Variants in DOP1A observed in about 807,000 individuals in gnomAD.
DOP1A encodes DOP1 leucine zipper like protein A, also known as protein DOP1A.
Under a neutral mutation model 267.6 loss-of-function variants are expected in DOP1A, and 90 were observed. That is an observed-to-expected ratio of 0.34 (90% CI 0.28 to 0.40). The LOEUF is 0.40. DOP1A is among the 10% of genes least tolerant of loss of function. The pLI is 1.00. For synonymous variants in DOP1A, 932 were observed against 999.1 expected (o/e 0.93, Z 1.27); for missense variants, 2,437 against 2,900.4 (o/e 0.84, Z 3.67).
downstream of DOP1A, chr6:83,170,512 T>G (rs369681936): frequency 2.9e-5 from 45 of 1,557,128 alleles, no homozygotes; most frequent in Non-Finnish European, 4.0e-5. Context: ...GTTACTCTAT[T>G]ACACTTCCTT....
At chr6:83,122,509 T>A (rs1776527910) in intron 11 of DOP1A, among the ~76,000 whole-genome samples, 1 of 151,924 alleles carries the variant, frequency 6.6e-6, no homozygotes, top group South Asian at 2.1e-4. Flanking sequence ...GAAAATCAAA[T>A]CACTACTCAG....
At chr6:83,071,713 TA>T (rs931203951) in intron 1 of DOP1A, among the ~76,000 whole-genome samples, 87 of 152,236 alleles carry the variant, frequency 5.7e-4, no homozygotes, top group East Asian at 4.0e-3. Flanking sequence ...AAAAATATAG[TA>T]AAAAAAGTTA....
intron 5 of DOP1A, 85 bp from the exon 6 acceptor site, chr6:83,110,040 C>A: frequency 7.2e-7 from 1 of 1,391,170 alleles, no homozygotes; most frequent in Non-Finnish European, 9.7e-7. Flanking sequence ...TGGGTGTTTG[C>A]ATACATTTTT....
intron 4 of DOP1A, among the ~76,000 whole-genome samples, chr6:83,101,990 C>G (rs553896489): frequency 6.6e-6 from 1 of 152,136 alleles, no homozygotes; most frequent in East Asian, 1.9e-4. Context: ...TTCCCATTTT[C>G]TCCTGCCCTT....
Position 83,104,623 on chromosome 6 carries a change from T to G in DOP1A, c.320+3737T>G, listed in dbSNP as rs189578361. 3.4e-3 allele frequency among the ~76,000 whole-genome samples: 516 copies of G among 152,270 alleles called. 1 individual carries two copies. Among genetic ancestry groups the G allele is most frequent in the Admixed American group, 6.3e-3 (97 of 15,296 alleles). ...CTGAAATTTATCTTTGTGGGAAGATTTGTAATTACAGATTAATTTCTTTAG... is the reference window on the plus strand; with the variant it reads ...CTGAAATTTATCTTTGTGGGAAGATGTGTAATTACAGATTAATTTCTTTAG... On this transcript the variant is annotated intron_variant, in intron 4 of 38. Transcript: ENST00000349129.
intron 37 of DOP1A, 140 bp from the exon 38 acceptor site, chr6:83,162,650 G>A: frequency 1.1e-6 from 1 of 872,598 alleles, no homozygotes; most frequent in Non-Finnish European, 1.7e-6. Context: ...TACCCAAAGT[G>A]ACAAGGCTAC....
chr6:83,133,021 TTGAG>T (rs1384733454), intron 18 of DOP1A, among the ~76,000 whole-genome samples: 2 of 152,098 alleles, frequency 1.3e-5, no homozygotes, highest in African/African-American at 4.8e-5. Flanking sequence ...GCTAGTGAGT[TTGAG>T]TGGGTCATAA....
chr6:83,117,377 C>T (rs1346205560), intron 7 of DOP1A, among the ~76,000 whole-genome samples: 3 of 151,976 alleles, frequency 2.0e-5, no homozygotes, highest in African/African-American at 7.3e-5. Flanking sequence ...GTCTAGATCT[C>T]CTGACCTTGT....
rs576348227 is a variant in DOP1A at position 83,099,681 on chromosome 6, T to C, written c.139-1024T>C. On this transcript the variant is annotated intron_variant, in intron 3 of 38. Transcript: ENST00000349129. The stretch of plus-strand genomic sequence containing the variant: ...GATAGAACAAGGCAAGGATTGCATA[T>C]GTGTGTGTGTGTGTGTGTGTGTGTG... Among the ~76,000 whole-genome samples, 634 of 77,548 alleles carry C rather than the reference T, an allele frequency of 8.2e-3. 2 individuals are homozygous for C. The highest frequency in any genetic ancestry group is 0.038 in the African/African-American group (600 of 15,672). The allele number at this position is 77,548 out of a possible 152,430, so 50.9% of individuals were successfully genotyped here. A position where few individuals can be genotyped will look rare whatever the true frequency, so the allele number is the denominator to read the frequency against.
chr6:83,126,293 A>C (rs1777139448), intron 15 of DOP1A, among the ~76,000 whole-genome samples: 1 of 151,918 alleles, frequency 6.6e-6, no homozygotes, highest in African/African-American at 2.4e-5. Context: ...CAATCAGAGG[A>C]AAGCATGCCA....
At chr6:83,166,859 T>C (rs1370071521) in intron 38 of DOP1A, 4 of 996,628 alleles carry the variant, frequency 4.0e-6, no homozygotes, top group Non-Finnish European at 4.8e-6. Context: ...GCAAACTCCA[T>C]TTGTTAATAT....
intron 1 of DOP1A, among the ~76,000 whole-genome samples, chr6:83,095,136 T>C (rs903232232): frequency 2.6e-5 from 4 of 152,166 alleles, no homozygotes; most frequent in African/African-American, 9.7e-5. Context: ...TTTCACCATG[T>C]TGGTCAGCCT....
intron 25 of DOP1A, among the ~76,000 whole-genome samples, 161 bp downstream of exon 25, chr6:83,145,819 T>G (rs1486402809): frequency 6.6e-6 from 1 of 152,176 alleles, no homozygotes; most frequent in Non-Finnish European, 1.5e-5. Flanking sequence ...TTATCAATAT[T>G]TGTAGTGACT....
chr6:83,156,112 T>A lies in DOP1A; in HGVS notation c.6604+9T>A, dbSNP rs1310973034. 2 of 1,597,378 alleles carry A rather than the reference T, an allele frequency of 1.3e-6. No individual in the cohort carries two copies. Among genetic ancestry groups the A allele is most frequent in the Admixed American group, 3.6e-5 (2 of 55,990 alleles). On this transcript the variant is annotated intron_variant, in intron 34 of 38. Coordinates refer to ENST00000349129, the MANE Select transcript of DOP1A (RefSeq NM_015018.4). Reference sequence around the variant, plus strand: ...TCTTCCAGATATACAAGGTAAAAAATGAAAAACCCTTTATTTTTTCTCTAA... The same window carrying A: ...TCTTCCAGATATACAAGGTAAAAAAAGAAAAACCCTTTATTTTTTCTCTAA...
At position 83,137,404 on chromosome 6, in the gene DOP1A, A is replaced by C; in HGVS notation, c.3362A>C (p.Asn1121Thr). 6.2e-7 allele frequency: 1 copy of C among 1,613,868 alleles called. No individual in the cohort carries two copies. Among genetic ancestry groups the C allele is most frequent in the Non-Finnish European group, 8.5e-7 (1 of 1,179,850 alleles). Residue 1121 changes from asparagine (N) to threonine (T), a missense_variant, in exon 21 of 39, where the codon AAC becomes ACC. By Grantham distance (65) the Asn-to-Thr change is moderately conservative. Coordinates refer to ENST00000349129, the MANE Select transcript of DOP1A (RefSeq NM_015018.4). ...TGTTCACAGTCCTCTGCTGGGGACAACTTGAGTTACGAAGTTGATCCTGAA... is the reference window on the plus strand; with the variant it reads ...TGTTCACAGTCCTCTGCTGGGGACACCTTGAGTTACGAAGTTGATCCTGAA... ...SGCSQSSAGD[N>T]LSYEVDPETV...
rs547208560 is a variant in DOP1A at position 83,091,594 on chromosome 6, C to CT, written c.-146-5131dup. 4.7e-3 allele frequency among the ~76,000 whole-genome samples: 713 copies of CT among 152,172 alleles called. 4 individuals are homozygous for CT. Among genetic ancestry groups the CT allele is most frequent in the African/African-American group, 0.016 (672 of 41,530 alleles). ...GACATAGCTGGTCATTATTAATTGACTTTTTTATAGCAAATAAGATTATCT... is the reference window on the plus strand; with the variant it reads ...GACATAGCTGGTCATTATTAATTGACTTTTTTTATAGCAAATAAGATTATCT... On this transcript the variant is annotated intron_variant, in intron 1 of 38. Coordinates refer to ENST00000349129, the MANE Select transcript of DOP1A (RefSeq NM_015018.4).
chr6:83,100,989 A>C lies in DOP1A; in HGVS notation c.320+103A>C, dbSNP rs556364572. On this transcript the variant is annotated intron_variant, in intron 4 of 38. Transcript: ENST00000349129. ...AAAAACTAAAAATTGAAAACTCCTT[A>C]GTGATTAGAAGTTTTCAGATATCAA... The C allele has an allele frequency of 3.2e-5, 21 of 659,586 alleles. No individual in the cohort carries two copies. In the African/African-American group the frequency reaches 3.8e-4, roughly 12 times the overall value. 40.9% of individuals were successfully genotyped at this position (659,586 alleles called of 1,614,324 possible).
At chr6:83,095,486 T>G (rs967581599) in intron 1 of DOP1A, among the ~76,000 whole-genome samples, 5 of 152,176 alleles carry the variant, frequency 3.3e-5, no homozygotes, top group African/African-American at 1.2e-4. Flanking sequence ...AGGCCCACTC[T>G]TAGACCTTCC....
intron 38 of DOP1A, 58 bp downstream of exon 38, chr6:83,162,977 G>A (rs1433517707): frequency 1.3e-6 from 2 of 1,526,870 alleles, no homozygotes; most frequent in African/African-American, 1.4e-5. Flanking sequence ...CATTAGTGAG[G>A]TATTTATTAA....
Sources: gnomAD v4.1 joint callset for allele counts (sites outside exome capture counted in the v4.1 genomes callset) on GRCh38, gnomAD v4.1.1 for gene constraint, MANE v1.5 for transcripts, NCBI Gene and HGNC (gene_info 2026-07-23, HGNC 2026-07-21) for gene names.